SORCS3: variants seen among roughly 807,000 people sequenced by gnomAD.
SORCS3 encodes VPS10 domain-containing receptor SorCS3.
Under a neutral mutation model 146.3 loss-of-function variants are expected in SORCS3, and 57 were observed. The ratio of observed to expected loss-of-function variants is 0.39; its 90% CI spans 0.31 to 0.49. The LOEUF (loss-of-function observed/expected upper bound fraction) is 0.49. Ranked by LOEUF, SORCS3 falls within the 20% of genes least tolerant of loss-of-function variation. The pLI, the probability that SORCS3 is intolerant of heterozygous loss-of-function variation, is 0.92. For synonymous variants in SORCS3, 653 were observed against 618.5 expected (o/e 1.06, Z -0.83); for missense variants, 1,341 against 1,575.5 (o/e 0.85, Z 2.52).
intron 4 of SORCS3, among the ~76,000 whole-genome samples, chr10:105,035,859 G>A (rs546975804): frequency 6.6e-6 from 1 of 152,258 alleles, no homozygotes; most frequent in African/African-American, 2.4e-5. Context: ...TTCAAGGGGA[G>A]ATGTGTTGAA....
At chr10:104,940,099 A>T (rs1044651645) in intron 3 of SORCS3, among the ~76,000 whole-genome samples, 3 of 150,492 alleles carry the variant, frequency 2.0e-5, no homozygotes, top group African/African-American at 7.3e-5. Flanking sequence ...GGCTATTTTT[A>T]TGGTTATCTC....
chr10:105,064,312 C>T (rs531577379), intron 5 of SORCS3, among the ~76,000 whole-genome samples: 12 of 152,094 alleles, frequency 7.9e-5, no homozygotes, highest in Admixed American at 2.6e-4. Context: ...CTTCCTTAAT[C>T]GTCTGTGAAT....
intron 5 of SORCS3, among the ~76,000 whole-genome samples, chr10:105,075,774 C>G (rs1202511302): frequency 6.6e-6 from 1 of 152,080 alleles, no homozygotes; most frequent in Non-Finnish European, 1.5e-5. Flanking sequence ...ACACCAGAGA[C>G]CACAGAGGGA....
At chr10:105,027,829 G>A (rs1564737777) in intron 4 of SORCS3, among the ~76,000 whole-genome samples, 1 of 152,200 alleles carries the variant, frequency 6.6e-6, no homozygotes, top group Non-Finnish European at 1.5e-5. Flanking sequence ...AGCACAAGGA[G>A]ACTGTGATGT....
At chr10:105,119,471 C>G (rs1202740718) in intron 7 of SORCS3, among the ~76,000 whole-genome samples, 1 of 152,154 alleles carries the variant, frequency 6.6e-6, no homozygotes, top group East Asian at 1.9e-4. Flanking sequence ...CCACCATCCT[C>G]CAGACCTCAG....
chr10:104,956,775 G>A (rs987351000), intron 3 of SORCS3, among the ~76,000 whole-genome samples: 8 of 152,072 alleles, frequency 5.3e-5, no homozygotes, highest in Admixed American at 1.3e-4. Context: ...GATTGACCAC[G>A]TAACTGAATG....
chr10:104,909,649 T>C (rs1241630373), intron 2 of SORCS3, among the ~76,000 whole-genome samples: 10 of 151,964 alleles, frequency 6.6e-5, no homozygotes, highest in Non-Finnish European at 1.3e-4. Flanking sequence ...CTCACCCAGA[T>C]TGAGAACATC....
chr10:104,997,083 A>T (rs946737221), intron 4 of SORCS3, among the ~76,000 whole-genome samples: 1 of 152,186 alleles, frequency 6.6e-6, no homozygotes, highest in African/African-American at 2.4e-5. Context: ...TATAGCTAAG[A>T]TTAGCAAGGG....
chr10:104,964,309 T>C (rs1198334431), intron 3 of SORCS3, among the ~76,000 whole-genome samples: 1 of 152,190 alleles, frequency 6.6e-6, no homozygotes, highest in African/African-American at 2.4e-5. Flanking sequence ...ACTGGGCTCC[T>C]ACATCCTTTT....
At chr10:104,967,674 A>C (rs948155684) in intron 3 of SORCS3, among the ~76,000 whole-genome samples, 3 of 151,982 alleles carry the variant, frequency 2.0e-5, no homozygotes, top group African/African-American at 7.3e-5. Context: ...TATCCTAGAT[A>C]ATTTATTTTT....
chr10:104,764,208 ACTT>A (rs2017154735), intron 1 of SORCS3, among the ~76,000 whole-genome samples: 1 of 152,170 alleles, frequency 6.6e-6, no homozygotes, highest in East Asian at 1.9e-4. Context: ...TACCTTTACT[ACTT>A]CTGCTTTTTC....
At chr10:104,865,024 T>C (rs907574743) in intron 2 of SORCS3, among the ~76,000 whole-genome samples, 39 of 152,218 alleles carry the variant, frequency 2.6e-4, no homozygotes, top group African/African-American at 9.2e-4. Flanking sequence ...CTGGTCAGTC[T>C]CTCAGTCCCT....
intron 1 of SORCS3, among the ~76,000 whole-genome samples, chr10:104,813,871 G>T (rs2017766458): frequency 6.6e-6 from 1 of 151,308 alleles, no homozygotes; most frequent in African/African-American, 2.4e-5. Flanking sequence ...TGTTTCTCTG[G>T]GCAAAGAAAA....
intron 14 of SORCS3, among the ~76,000 whole-genome samples, chr10:105,186,936 C>T (rs1179688009): frequency 1.3e-5 from 2 of 151,508 alleles, no homozygotes; most frequent in South Asian, 4.2e-4. Context: ...AATCCCATCT[C>T]AAATATCCAT....
intron 1 of SORCS3, among the ~76,000 whole-genome samples, chr10:104,659,088 T>C (rs1219191108): frequency 6.6e-6 from 1 of 152,222 alleles, no homozygotes; most frequent in African/African-American, 2.4e-5. Context: ...CAACATGGTA[T>C]TAAATTGTGG....
intron 5 of SORCS3, among the ~76,000 whole-genome samples, chr10:105,085,852 G>C (rs2055656753): frequency 6.6e-6 from 1 of 152,120 alleles, no homozygotes; most frequent in Non-Finnish European, 1.5e-5. Context: ...GTGAATGTGT[G>C]TGAAGCTGCA....
chr10:104,897,313 T>C (rs973661977), intron 2 of SORCS3, among the ~76,000 whole-genome samples: 2 of 152,178 alleles, frequency 1.3e-5, no homozygotes, highest in Non-Finnish European at 2.9e-5. Context: ...TTAATACCTT[T>C]CCCAGAATTT....
chr10:105,114,223 G>A (rs185459021), intron 7 of SORCS3, among the ~76,000 whole-genome samples: 188 of 152,182 alleles, frequency 1.2e-3, no homozygotes, highest in African/African-American at 4.3e-3. Context: ...ACAGAGGGTG[G>A]CCTTCAATGT....
intron 1 of SORCS3, among the ~76,000 whole-genome samples, chr10:104,832,718 CAAATAAAT>C (rs148553473): frequency 1.6e-4 from 22 of 133,644 alleles, no homozygotes; most frequent in African/African-American, 4.9e-4. Context: ...AACTCCATCT[CAAATAAAT>C]AAATAAATAA....
Sources: allele counts gnomAD v4.1 joint callset (sites outside exome capture counted in the v4.1 genomes callset), GRCh38; gene constraint gnomAD v4.1.1; transcripts MANE v1.5; gene names NCBI Gene and HGNC (gene_info 2026-07-23, HGNC 2026-07-21).